The following NPHP4 variants were observed in gnomAD, a reference collection of about 807,000 sequenced individuals.
NPHP4 encodes nephrocystin-4.
A neutral mutation model predicts 155.8 loss-of-function variants in NPHP4; 151 were observed. The observed-to-expected ratio is 0.97, with a 90% CI of 0.85 to 1.11. The LOEUF (loss-of-function observed/expected upper bound fraction) is 1.11. Among genes scored for constraint, NPHP4 ranks in the 50% least tolerant of loss-of-function variants. The probability of loss-of-function intolerance (pLI) is 0.00; values close to 1 mark genes in which losing one functional copy is unlikely to be tolerated. For missense variants in NPHP4, 1,956 were observed against 1,925.7 expected, an observed-to-expected ratio of 1.02 and a Z score of -0.29; for synonymous variants, 845 against 816.8, an observed-to-expected ratio of 1.03 and a Z score of -0.59.
Position 5,986,314 on chromosome 1 carries a change from G to A in NPHP4, c.-25C>T, listed in dbSNP as rs147164426. On this transcript the variant is annotated 5_prime_UTR_variant, in exon 2 of 30. Transcript: ENST00000378156. ...TCCTGCCCGCCTGAGGGTCCCGTGGGCTTCCCGGATGATCTGTGCCAGTCG... is the reference window on the plus strand; with the variant it reads ...TCCTGCCCGCCTGAGGGTCCCGTGGACTTCCCGGATGATCTGTGCCAGTCG... The A allele has an allele frequency of 3.1e-6, 5 of 1,612,622 alleles. No individual in the cohort carries two copies. The East Asian group carries it at 1.1e-4, about 36-fold the overall frequency.
chr1:5,908,561 G>C lies in NPHP4; in HGVS notation c.1503+591C>G, dbSNP rs6692955. 3.7e-4 allele frequency among the ~76,000 whole-genome samples: 56 copies of C among 152,310 alleles called. No homozygotes were observed. In the South Asian group the frequency reaches 5.4e-3, roughly 15 times the overall value. On this transcript the variant is annotated intron_variant, in intron 12 of 29. Transcript: ENST00000378156. ...CACGGGTGTCTCGGGACTCCAGAAC[G>C]GCAGCCAAGCAGGAGCTCAGCTCAG...
intron 26 of NPHP4, 41 bp downstream of exon 26, chr1:5,866,332 C>T: frequency 1.5e-6 from 2 of 1,353,114 alleles, no homozygotes; most frequent in Non-Finnish European, 2.1e-6. Context: ...TCCTCCTCTC[C>T]TCCGCCACCG....
At chr1:5,898,117 C>T (rs1019739283) in intron 16 of NPHP4, among the ~76,000 whole-genome samples, 6 of 152,184 alleles carry the variant, frequency 3.9e-5, no homozygotes, top group Non-Finnish European at 7.3e-5. Flanking sequence ...AAATGGACCG[C>T]GTTCTTTGGA....
chr1:5,985,795 G>A (rs1477254331), intron 2 of NPHP4, among the ~76,000 whole-genome samples: 1 of 152,160 alleles, frequency 6.6e-6, no homozygotes, highest in Non-Finnish European at 1.5e-5. Flanking sequence ...CCTATGATGG[G>A]ACTCTATCCT....
Position 5,890,838 on chromosome 1 carries a change from A to T in NPHP4, c.2304+30T>A. 6.3e-7 allele frequency: 1 copy of T among 1,593,660 alleles called. No individual in the cohort carries two copies. The stretch of plus-strand genomic sequence containing the variant: ...TCGTCCCATGAGGGACGCAGCACCC[A>T]CTGTGCCTGTCCTTCCAGAGAGCCG... On this transcript the variant is annotated intron_variant, in intron 17 of 29. Transcript: ENST00000378156. This position sits in a 1 kb window ranked among gnomAD's most constrained non-coding sequence, Gnocchi z 4.9.
Position 5,944,665 on chromosome 1 carries a change from C to T in NPHP4, c.1119+2439G>A, listed in dbSNP as rs1646993781. Among the ~76,000 whole-genome samples, 1 of 152,210 alleles carries T rather than the reference C, an allele frequency of 6.6e-6. No homozygotes were observed. Among genetic ancestry groups the T allele is most frequent in the South Asian group, 2.1e-4 (1 of 4,832 alleles). ...AGTATTCCCAGTTACAATCGACCAG[C>T]ACATCGGAAAGTACCAATGACTGGC... On this transcript the variant is annotated intron_variant, in intron 9 of 29. Coordinates refer to ENST00000378156, the MANE Select transcript of NPHP4 (RefSeq NM_015102.5). This position sits in a 1 kb window ranked among gnomAD's most constrained non-coding sequence, Gnocchi z 4.3.
intron 18 of NPHP4, among the ~76,000 whole-genome samples, chr1:5,885,662 C>G (rs569088401): frequency 6.6e-6 from 1 of 152,236 alleles, no homozygotes; most frequent in Non-Finnish European, 1.5e-5. Flanking sequence ...ACTGTGAATG[C>G]AGCTGGCCCA....
chr1:5,905,429 A>C lies in NPHP4; in HGVS notation c.1818T>G (p.Phe606Leu), dbSNP rs1224821249. 3.7e-6 allele frequency: 6 copies of C among 1,612,100 alleles called. No individual in the cohort carries two copies. The highest frequency in any genetic ancestry group is 5.1e-6 in the Non-Finnish European group (6 of 1,178,416). ...ASMVLLQSSG[F>L]PEILDANKQP... The stretch of plus-strand genomic sequence containing the variant: ...GTTTATTGGCATCCAGAATCTCGGG[A>C]AAGCCGGAGGACTGCAGGAGCACCA... Residue 606 changes from phenylalanine (F) to leucine (L), a missense_variant, in exon 15 of 30, where the codon TTT (phenylalanine) becomes TTG (leucine). Transcript: ENST00000378156. This position sits in a 1 kb window ranked among gnomAD's most constrained non-coding sequence, Gnocchi z 4.0.
chr1:5,932,066 C>G (rs958629954), intron 10 of NPHP4, among the ~76,000 whole-genome samples: 4 of 151,614 alleles, frequency 2.6e-5, no homozygotes, highest in African/African-American at 9.7e-5. Context: ...GAGTAAGACC[C>G]TGTCTCAAAA....
intron 9 of NPHP4, among the ~76,000 whole-genome samples, chr1:5,937,179 G>T (rs1470061418): frequency 6.6e-6 from 1 of 152,130 alleles, no homozygotes; most frequent in African/African-American, 2.4e-5. Context: ...GCCTGAGGAG[G>T]ATCTCGGCTC....
chr1:5,904,940 A>G (rs974896825), intron 15 of NPHP4, 136 bp from the exon 16 acceptor site: 5 of 809,954 alleles, frequency 6.2e-6, no homozygotes, highest in Non-Finnish European at 2.0e-6. Flanking sequence ...GTGGTCACCA[A>G]TGCAACCGCT....
intron 9 of NPHP4, among the ~76,000 whole-genome samples, chr1:5,936,198 A>G (rs1462448411): frequency 2.0e-5 from 3 of 152,208 alleles, no homozygotes; most frequent in African/African-American, 7.2e-5. Flanking sequence ...TTTCTGTTTA[A>G]CAGCTTTAAT....
In NPHP4 at chr1:5,867,416, G is replaced by GT; in HGVS notation, c.3473-302dup. 1 of 551,478 alleles carries GT rather than the reference G, an allele frequency of 1.8e-6. No individual in the cohort carries two copies. The highest frequency in any genetic ancestry group is 3.1e-5 in the East Asian group (1 of 32,734). 34.2% of individuals were successfully genotyped at this position (551,478 alleles called of 1,614,324 possible). On this transcript the variant is annotated intron_variant, in intron 24 of 29. Transcript: ENST00000378156. This position sits in a 1 kb window ranked among gnomAD's most constrained non-coding sequence, Gnocchi z 4.1. ...GGAGCAGGGAAGCCTGCACTCTGCT[G>GT]TAAGGGGCACCTACCAGAAACACGC...
At chr1:5,876,766 C>A in intron 20 of NPHP4, 1 of 286,260 alleles carries the variant, frequency 3.5e-6, no homozygotes. Context: ...GTCAGTTGTT[C>A]ACAGCTCTGG....
chr1:5,965,775 C>G (rs1008793360), intron 5 of NPHP4, among the ~76,000 whole-genome samples: 1 of 152,144 alleles, frequency 6.6e-6, no homozygotes, highest in Non-Finnish European at 1.5e-5. Flanking sequence ...CAGCGATCAC[C>G]CACCGCTCTC....
At chr1:5,876,222 TGGGA>T in intron 20 of NPHP4, 1 of 81,142 alleles carries the variant, frequency 1.2e-5, no homozygotes, top group Non-Finnish European at 2.3e-5. Context: ...CCCTGCCAGC[TGGGA>T]GGGAGGGAGG....
intron 2 of NPHP4, among the ~76,000 whole-genome samples, chr1:5,982,483 C>G (rs1225068824): frequency 6.6e-6 from 1 of 152,186 alleles, no homozygotes. Flanking sequence ...ACAAAATCAC[C>G]TAACACCATT....
chr1:5,978,172 G>T, intron 3 of NPHP4, 98 bp downstream of exon 3: 1 of 1,149,966 alleles, frequency 8.7e-7, no homozygotes, highest in East Asian at 2.6e-5. Context: ...GCGCTGTGAG[G>T]TCTCGGCAAG....
intron 19 of NPHP4, 69 bp downstream of exon 19, chr1:5,880,045 A>G: frequency 6.4e-7 from 1 of 1,566,004 alleles, no homozygotes; most frequent in Non-Finnish European, 8.8e-7. Context: ...ACACACACAC[A>G]CGCAGTCTTC....
Sources: gnomAD v4.1 joint callset for allele counts (sites outside exome capture counted in the v4.1 genomes callset) on GRCh38, gnomAD v4.1.1 for gene constraint, Gnocchi (gnomAD v3.1) non-coding constraint, MANE v1.5 for transcripts, NCBI Gene and HGNC (gene_info 2026-07-23, HGNC 2026-07-21) for gene names.